Variants in AFF4 observed in about 807,000 individuals in gnomAD.
AFF4 encodes AF4/FMR2 family member 4.
In AFF4, 13 loss-of-function variants were observed where a neutral mutation model predicts 124.8. The ratio of observed to expected loss-of-function variants is 0.10; its 90% CI spans 0.07 to 0.17. AFF4 has a LOEUF of 0.17. AFF4 is among the 10% of genes least tolerant of loss of function. AFF4 has a pLI of 1.00. For missense variants in AFF4, 1,092 were observed against 1,403.8 expected (o/e 0.78, Z 3.55); for synonymous variants, 477 against 496.1 (o/e 0.96, Z 0.51).
At chr5:132,930,350 A>C (rs1349383797) in intron 4 of AFF4, among the ~76,000 whole-genome samples, 1 of 152,224 alleles carries the variant, frequency 6.6e-6, no homozygotes, top group Non-Finnish European at 1.5e-5. Context: ...GAGAGGCAAG[A>C]AAGGTGGAAG....
At chr5:132,921,467 TTTTTTC>T (rs1761045394) in intron 5 of AFF4, among the ~76,000 whole-genome samples, 1 of 123,388 alleles carries the variant, frequency 8.1e-6, no homozygotes, top group Non-Finnish European at 1.7e-5. Context: ...GTTTTCTTTT[TTTTTTC>T]TTTTTTTTTT....
chr5:132,902,746 G>GTAAT (rs1760582122), intron 6 of AFF4, among the ~76,000 whole-genome samples: 2 of 152,126 alleles, frequency 1.3e-5, no homozygotes, highest in Admixed American at 1.3e-4. Context: ...TCTCAGTACT[G>GTAAT]TAATTATATT....
At chr5:132,960,342 A>C (rs1762055432) in intron 1 of AFF4, among the ~76,000 whole-genome samples, 1 of 152,176 alleles carries the variant, frequency 6.6e-6, no homozygotes. Context: ...CTAAGTCATC[A>C]ATTTTTTATA....
intron 1 of AFF4, chr5:132,942,858 G>T: frequency 5.4e-6 from 1 of 183,734 alleles, no homozygotes. Context: ...TTGGGAGGCC[G>T]AGGCATGAGG....
At chr5:132,888,715 TG>T (rs1186879856) in intron 14 of AFF4, among the ~76,000 whole-genome samples, 1 of 152,108 alleles carries the variant, frequency 6.6e-6, no homozygotes, top group Non-Finnish European at 1.5e-5. Context: ...TTTTTTTTTT[TG>T]AGACGGAGTC....
At chr5:132,888,275 T>C in intron 14 of AFF4, 115 bp from the exon 15 acceptor site, 1 of 738,722 alleles carries the variant, frequency 1.4e-6, no homozygotes, top group Non-Finnish European at 2.1e-6. Flanking sequence ...AATGAGCTGT[T>C]ACTAAGAATT....
chr5:132,885,132 TA>T lies in AFF4; in HGVS notation c.3100-14del, dbSNP rs1760081235. ...TATTATAAGAATTCTGTGGAAAAAG[TA>T]AAATGTACTTAACAACAACAAAAAC... On this transcript the variant is annotated splice_polypyrimidine_tract_variant and intron_variant, in intron 18 of 20. Transcript: ENST00000265343. The T allele has an allele frequency of 2.5e-6, 4 of 1,587,328 alleles. No individual in the cohort carries two copies. The highest frequency in any genetic ancestry group is 3.4e-6 in the Non-Finnish European group (4 of 1,166,396).
chr5:132,940,701 G>C (rs978019879), intron 1 of AFF4, among the ~76,000 whole-genome samples: 1 of 151,976 alleles, frequency 6.6e-6, no homozygotes, highest in Non-Finnish European at 1.5e-5. Context: ...CACTTATAAG[G>C]CTACCAGGAA....
Position 132,892,022 on chromosome 5 carries a change from G to C in AFF4, c.2637+142C>G, listed in dbSNP as rs1353986931. 7.3e-6 allele frequency: 9 copies of C among 1,238,516 alleles called. No homozygotes were observed. In the East Asian group the frequency reaches 1.9e-4, roughly 27 times the overall value. 76.7% of individuals were successfully genotyped at this position (1,238,516 alleles called of 1,614,324 possible). On this transcript the variant is annotated intron_variant, in intron 13 of 20. Coordinates refer to ENST00000265343, the MANE Select transcript of AFF4 (RefSeq NM_014423.4). Reference sequence around the variant, plus strand: ...TTATATCACTGTATTCATTTATCAGGATTATTACATATAGAGGGTAAAAGA... The same window carrying C: ...TTATATCACTGTATTCATTTATCAGCATTATTACATATAGAGGGTAAAAGA...
At chr5:132,961,235 TTCAAGCGATTC>T (rs1377230519) in intron 1 of AFF4, among the ~76,000 whole-genome samples, 1 of 151,932 alleles carries the variant, frequency 6.6e-6, no homozygotes, top group Non-Finnish European at 1.5e-5. Context: ...CGCCTCCCAG[TTCAAGCGATTC>T]TCAAGCGATT....
chr5:132,907,386 C>T (rs962377453), intron 5 of AFF4, among the ~76,000 whole-genome samples: 10 of 152,178 alleles, frequency 6.6e-5, no homozygotes, highest in Non-Finnish European at 7.3e-5. Flanking sequence ...TGGCAACACA[C>T]TTACTCATGT....
At chr5:132,949,293 T>C (rs2150109368) in intron 1 of AFF4, among the ~76,000 whole-genome samples, 1 of 143,192 alleles carries the variant, frequency 7.0e-6, no homozygotes, top group African/African-American at 2.6e-5. Flanking sequence ...GCAATCCCCC[T>C]GCCACAGCCT....
Position 132,880,302 on chromosome 5 carries a change from G to C in AFF4, c.*757C>G. 1 of 398,876 alleles carries C rather than the reference G, an allele frequency of 2.5e-6. No homozygotes were observed. The highest frequency in any genetic ancestry group is 4.4e-6 in the Non-Finnish European group (1 of 226,004). The allele number at this position is 398,876 out of a possible 1,614,324, so 24.7% of individuals were successfully genotyped here. ...CTAGAAAGTTTGTCCTCCCTCTTTT[G>C]TAATGCATTAAATGCAAGCTATAGT... On this transcript the variant is annotated 3_prime_UTR_variant, in exon 21 of 21. Coordinates refer to ENST00000265343, the MANE Select transcript of AFF4 (RefSeq NM_014423.4).
chr5:132,916,033 TCACG>T (rs1451591776), intron 5 of AFF4, among the ~76,000 whole-genome samples: 6 of 151,734 alleles, frequency 4.0e-5, no homozygotes, highest in Non-Finnish European at 8.8e-5. Context: ...GGCAGGTGGA[TCACG>T]AGTTCAGGAC....
At chr5:132,939,616 T>A (rs930922188) in intron 1 of AFF4, among the ~76,000 whole-genome samples, 1 of 152,222 alleles carries the variant, frequency 6.6e-6, no homozygotes, top group Non-Finnish European at 1.5e-5. Context: ...CAACTTCTTT[T>A]TTCTTTTTTT....
intron 5 of AFF4, among the ~76,000 whole-genome samples, chr5:132,913,604 C>T (rs191412940): frequency 8.7e-4 from 132 of 152,208 alleles, no homozygotes; most frequent in African/African-American, 2.9e-3. Flanking sequence ...CCACCGTGCC[C>T]GGCTGATTTT....
Position 132,879,389 on chromosome 5 carries a change from AT to A in AFF4, c.*1669del. 4.8e-6 allele frequency: 1 copy of A among 209,198 alleles called. No individual in the cohort carries two copies. The highest frequency in any genetic ancestry group is 9.7e-6 in the Non-Finnish European group (1 of 102,644). The allele number at this position is 209,198 out of a possible 1,614,324, so 13.0% of individuals were successfully genotyped here. On this transcript the variant is annotated 3_prime_UTR_variant, in exon 21 of 21. Transcript: ENST00000265343. ...TCTTTTTTTCTGACTGAATGGATTC[AT>A]TTTTGGAATGGGGAGAGGGACAAAC...
At position 132,949,691 on chromosome 5, in the gene AFF4, C is replaced by T. The variant is rs924291155; in HGVS notation, c.-4-12498G>A. Among the ~76,000 whole-genome samples, 9 of 144,960 alleles carry T rather than the reference C, an allele frequency of 6.2e-5. No individual in the cohort carries two copies. In the East Asian group the frequency reaches 1.6e-3, roughly 26 times the overall value. On this transcript the variant is annotated intron_variant, in intron 1 of 20. Transcript: ENST00000265343. ...AGTGAAACCCCATGTGTACCACACA[C>T]ACACACACACGCGCGCGCGCGCGCG...
intron 14 of AFF4, 42 bp from the exon 15 acceptor site, chr5:132,888,202 T>G (rs1355197418): frequency 6.9e-7 from 1 of 1,451,752 alleles, no homozygotes; most frequent in East Asian, 2.5e-5. Context: ...AGTAAATATT[T>G]TCATAATACT....
Sources: gnomAD v4.1 joint callset for allele counts (sites outside exome capture counted in the v4.1 genomes callset) on GRCh38, gnomAD v4.1.1 for gene constraint, MANE v1.5 for transcripts, NCBI Gene and HGNC (gene_info 2026-07-23, HGNC 2026-07-21) for gene names.